KLHL29: variants seen among roughly 807,000 people sequenced by gnomAD.
KLHL29 encodes kelch-like protein 29.
Under a neutral mutation model 80.4 loss-of-function variants are expected in KLHL29, and 21 were observed. The observed-to-expected ratio is 0.26, with a 90% confidence interval of 0.19 to 0.38. The LOEUF (loss-of-function observed/expected upper bound fraction) is 0.38. Ranked by LOEUF, KLHL29 falls within the 10% of genes least tolerant of loss-of-function variation. The pLI, the probability that KLHL29 is intolerant of heterozygous loss-of-function variation, is 1.00. For synonymous variants in KLHL29, 511 were observed against 526.8 expected, an observed-to-expected ratio of 0.97 and a Z score of 0.41; for missense variants, 867 against 1,223.9, an observed-to-expected ratio of 0.71 and a Z score of 4.35.
intron 2 of KLHL29, among the ~76,000 whole-genome samples, chr2:23,493,625 G>A (rs1665169249): frequency 6.6e-6 from 1 of 152,076 alleles, no homozygotes; most frequent in African/African-American, 2.4e-5. Flanking sequence ...TCTGGGAGCG[G>A]GGTGGGCGTG....
chr2:23,691,956 C>A, intron 7 of KLHL29, 80 bp downstream of exon 7: 1 of 1,402,242 alleles, frequency 7.1e-7, no homozygotes, highest in Non-Finnish European at 9.7e-7. Context: ...AAGGACTGAG[C>A]GGGGAGGTCT....
At position 23,415,494 on chromosome 2, in the gene KLHL29, A is replaced by T. The variant is rs542578940; in HGVS notation, c.-154+29714A>T. 2.0e-5 allele frequency among the ~76,000 whole-genome samples: 3 copies of T among 152,340 alleles called. No individual in the cohort carries two copies. The South Asian group carries it at 6.2e-4, about 32-fold the overall frequency. On this transcript the variant is annotated intron_variant, in intron 1 of 13. Transcript: ENST00000486442. Reference sequence around the variant, plus strand: ...CAGAATATGAAGTTGGAAAGCTATTATTTGTTCCCACAAGTTTTGGAGGTT... The same window carrying T: ...CAGAATATGAAGTTGGAAAGCTATTTTTTGTTCCCACAAGTTTTGGAGGTT...
At chr2:23,387,050 C>CGCTGCCATCCCCGCCGCT (rs1320081414) in intron 1 of KLHL29, among the ~76,000 whole-genome samples, 2 of 146,998 alleles carry the variant, frequency 1.4e-5, no homozygotes. Flanking sequence ...CCGCCGCCGC[C>CGCTGCCATCCCCGCCGCT]GCTGCCATCC....
At chr2:23,574,761 T>C (rs1667800623) in intron 3 of KLHL29, among the ~76,000 whole-genome samples, 1 of 152,124 alleles carries the variant, frequency 6.6e-6, no homozygotes, top group South Asian at 2.1e-4. Flanking sequence ...AATGAATGAA[T>C]ACCCACCATG....
chr2:23,647,293 A>G lies in KLHL29; in HGVS notation c.940+4443A>G, dbSNP rs1456810135. Among the ~76,000 whole-genome samples, 4 of 152,200 alleles carry G rather than the reference A, an allele frequency of 2.6e-5. No individual in the cohort carries two copies. Among genetic ancestry groups the G allele is most frequent in the Admixed American group, 2.6e-4 (4 of 15,268 alleles). ...CCACAGCCTCCATAAATATTCTGGA[A>G]GAAGCTGGGAATGCATGATAAAGCT... On this transcript the variant is annotated intron_variant, in intron 5 of 13. Transcript: ENST00000486442. The surrounding 1 kb of genome is among the most constrained non-coding windows in gnomAD (Gnocchi z 4.9).
chr2:23,475,334 A>C, intron 1 of KLHL29, among the ~76,000 whole-genome samples: 1 of 112,372 alleles, frequency 8.9e-6, no homozygotes, highest in Non-Finnish European at 1.8e-5. Context: ...ACTTCGCCCC[A>C]CTTTGCATGT....
chr2:23,516,512 A>T (rs1479324847), intron 2 of KLHL29, among the ~76,000 whole-genome samples: 2 of 151,900 alleles, frequency 1.3e-5, no homozygotes, highest in African/African-American at 4.8e-5. Context: ...CCCTCCAGGG[A>T]CAATGCACAT....
chr2:23,410,394 T>C (rs1053028372), intron 1 of KLHL29, among the ~76,000 whole-genome samples: 17 of 152,056 alleles, frequency 1.1e-4, no homozygotes, highest in African/African-American at 3.1e-4. Flanking sequence ...CCTAGATTAC[T>C]GGATGGATGT....
At chr2:23,658,133 A>C (rs1670297375) in intron 5 of KLHL29, among the ~76,000 whole-genome samples, 2 of 147,836 alleles carry the variant, frequency 1.4e-5, no homozygotes, top group East Asian at 2.0e-4. Flanking sequence ...TCCTTCCTCT[A>C]CCCTCCTCCC....
At chr2:23,498,049 C>T in intron 2 of KLHL29, among the ~76,000 whole-genome samples, 1 of 152,272 alleles carries the variant, frequency 6.6e-6, no homozygotes, top group East Asian at 1.9e-4. Context: ...AGTTAAGTGA[C>T]TTAACATATC....
chr2:23,477,197 G>A (rs1236310682), intron 2 of KLHL29, among the ~76,000 whole-genome samples: 1 of 152,238 alleles, frequency 6.6e-6, no homozygotes, highest in African/African-American at 2.4e-5. Context: ...CCACCCTCAT[G>A]CCTTCTGACC....
At chr2:23,699,315 A>G (rs1450595745) in intron 11 of KLHL29, among the ~76,000 whole-genome samples, 2 of 152,218 alleles carry the variant, frequency 1.3e-5, no homozygotes, top group East Asian at 1.9e-4. Flanking sequence ...CTGGTGGCAC[A>G]GCATGCCATG....
chr2:23,693,269 A>G lies in KLHL29; in HGVS notation c.1283A>G (p.Glu428Gly). Residue 428 changes from glutamate (E) to glycine (G), a missense_variant and splice_region_variant, in exon 8 of 14, where the codon GAG becomes GGG. By Grantham distance (98) the Glu-to-Gly change is moderately conservative. Coordinates refer to ENST00000486442, the MANE Select transcript of KLHL29 (RefSeq NM_052920.2). ...TFCKVCVSFL[E>G]KQLTASNCLG... ...AGTGGTCCTGCGCTGTCGCCCCCAGAGAAGCAGCTGACGGCCAGCAACTGC... is the reference window on the plus strand; with the variant it reads ...AGTGGTCCTGCGCTGTCGCCCCCAGGGAAGCAGCTGACGGCCAGCAACTGC... 1.9e-6 allele frequency: 3 copies of G among 1,541,248 alleles called. No individual in the cohort carries two copies. The highest frequency in any genetic ancestry group is 1.8e-6 in the Non-Finnish European group (2 of 1,140,312).
intron 2 of KLHL29, among the ~76,000 whole-genome samples, chr2:23,561,219 T>A (rs1420404681): frequency 6.6e-6 from 1 of 152,194 alleles, no homozygotes; most frequent in African/African-American, 2.4e-5. Context: ...TTCCCCTGCG[T>A]CTTTACAGCG....
chr2:23,693,346 A>G lies in KLHL29; in HGVS notation c.1360A>G (p.Met454Val). ...CATGCAGTGCAGCGAGCTCTACCAC[A>G]TGGCCAAGGCCTTCGCGCTGCAGAT... is the stretch of plus-strand genomic sequence containing the variant. ...EAMQCSELYH[M>V]AKAFALQIFP... Residue 454 changes from methionine (M) to valine (V), a missense_variant, in exon 8 of 14, where the codon ATG (methionine) becomes GTG (valine). Met to Val is a conservative substitution (Grantham distance 21). Transcript: ENST00000486442. 1.9e-6 allele frequency: 3 copies of G among 1,551,576 alleles called. No individual in the cohort carries two copies. The highest frequency in any genetic ancestry group is 2.4e-5 in the East Asian group (1 of 40,890).
At chr2:23,638,498 G>C (rs1669678969) in intron 3 of KLHL29, among the ~76,000 whole-genome samples, 1 of 152,058 alleles carries the variant, frequency 6.6e-6, no homozygotes, top group Non-Finnish European at 1.5e-5. Flanking sequence ...AGGAGCTGAG[G>C]GTCCCACCAT....
chr2:23,692,392 G>A (rs1671670721), intron 7 of KLHL29, among the ~76,000 whole-genome samples: 1 of 152,226 alleles, frequency 6.6e-6, no homozygotes, highest in African/African-American at 2.4e-5. Context: ...TCGCTGACCC[G>A]AACAACATGC....
intron 3 of KLHL29, among the ~76,000 whole-genome samples, chr2:23,600,261 G>A (rs1051360368): frequency 3.3e-5 from 5 of 152,160 alleles, no homozygotes; most frequent in African/African-American, 1.2e-4. Flanking sequence ...CGGATGGAAG[G>A]GGACTCAGCA....
chr2:23,453,143 C>T (rs761137921), intron 1 of KLHL29, among the ~76,000 whole-genome samples: 1 of 151,340 alleles, frequency 6.6e-6, no homozygotes, highest in African/African-American at 2.4e-5. Flanking sequence ...TTTTAAAAAA[C>T]GTTTCTTGTC....
Sources: allele counts gnomAD v4.1 joint callset (sites outside exome capture counted in the v4.1 genomes callset), GRCh38; gene constraint gnomAD v4.1.1; non-coding constraint Gnocchi (gnomAD v3.1); transcripts MANE v1.5; gene names NCBI Gene and HGNC (gene_info 2026-07-23, HGNC 2026-07-21).